The following TTI1 variants were observed in gnomAD, a reference collection of about 807,000 sequenced individuals.
TTI1 encodes TELO2-interacting protein 1 homolog.
TTI1 carries 52 observed loss-of-function variants against 85.4 expected under a neutral mutation model. The observed-to-expected ratio is 0.61, with a 90% CI of 0.49 to 0.77. The LOEUF (loss-of-function observed/expected upper bound fraction) is 0.77, where lower values mean the gene tolerates loss of function less well. Among genes scored for constraint, TTI1 ranks in the 30% least tolerant of loss-of-function variants. TTI1 has a pLI of 0.00. For synonymous variants in TTI1, 512 were observed against 503.9 expected (o/e 1.02, Z -0.22); for missense variants, 1,173 against 1,296.0 (o/e 0.91, Z 1.46).
At chr20:38,015,611 G>A (rs2073671399) in intron 1 of TTI1, among the ~76,000 whole-genome samples, 1 of 152,002 alleles carries the variant, frequency 6.6e-6, no homozygotes. Flanking sequence ...TAGATTAACA[G>A]AACCAGAAAA....
intron 2 of TTI1, among the ~76,000 whole-genome samples, chr20:38,007,584 A>G (rs2073519808): frequency 6.6e-6 from 1 of 152,238 alleles, no homozygotes; most frequent in Non-Finnish European, 1.5e-5. Flanking sequence ...CTTAATACTT[A>G]AAGAATAAAA....
intron 4 of TTI1, among the ~76,000 whole-genome samples, chr20:37,999,549 C>G (rs1040972360): frequency 6.6e-6 from 1 of 152,032 alleles, no homozygotes; most frequent in Non-Finnish European, 1.5e-5. Context: ...TGGGGAAAGA[C>G]CTTAATTAGA....
intron 7 of TTI1, among the ~76,000 whole-genome samples, chr20:37,985,550 C>A (rs2073179583): frequency 6.8e-6 from 1 of 148,118 alleles, no homozygotes; most frequent in Non-Finnish European, 1.5e-5. Context: ...TTTTTTGAGA[C>A]AGAGTCTCAC....
Position 37,983,487 on chromosome 20 carries a change from T to C in TTI1, c.3239A>G (p.Asn1080Ser). Reference sequence around the variant, plus strand: ...CAGCTCCTTGAGCAGCTGGAGCACGTTGGTCGTGTAGGGGTTCTGCTGCCC... The same window carrying C: ...CAGCTCCTTGAGCAGCTGGAGCACGCTGGTCGTGTAGGGGTTCTGCTGCCC... ...ASGQQNPYTTNVLQLLKELQ is the reference protein window; with the variant it reads ...ASGQQNPYTTSVLQLLKELQ Residue 1080 changes from asparagine to serine, a missense_variant, in exon 8 of 8, where the codon AAC (asparagine) becomes AGC (serine). Physicochemically the swap from Asn to Ser is conservative, Grantham distance 46 (BLOSUM62 1). Transcript: ENST00000373447. 2 of 1,611,282 alleles carry C rather than the reference T, an allele frequency of 1.2e-6. No homozygotes were observed. Among genetic ancestry groups the C allele is most frequent in the South Asian group, 1.1e-5 (1 of 91,026 alleles).
At chr20:38,030,843 CAGAT>C (rs1600663175) in intron 1 of TTI1, among the ~76,000 whole-genome samples, 1 of 152,332 alleles carries the variant, frequency 6.6e-6, no homozygotes, top group African/African-American at 2.4e-5. Flanking sequence ...CATCTATACT[CAGAT>C]AGGCATTTCC....
intron 7 of TTI1, among the ~76,000 whole-genome samples, chr20:37,985,996 T>C (rs1008430330): frequency 6.6e-6 from 1 of 152,216 alleles, no homozygotes; most frequent in Non-Finnish European, 1.5e-5. Flanking sequence ...AGACAATTTT[T>C]GTTTAAAAAT....
At chr20:38,006,048 T>C in intron 3 of TTI1, 149 bp downstream of exon 3, 2 of 906,046 alleles carry the variant, frequency 2.2e-6, no homozygotes. Context: ...TGGAAAAAGA[T>C]TACACAAAAC....
rs1441416462 is a variant in TTI1 at position 38,012,264 on chromosome 20, T to A, written c.1553A>T (p.Tyr518Phe). Residue 518 changes from tyrosine to phenylalanine, a missense_variant, in exon 2 of 8, where the codon TAC becomes TTC. Physicochemically the swap from Tyr to Phe is conservative, Grantham distance 22. Transcript: ENST00000373447. ...AAGGATCATGGCAGCTTGCTTCCGG[T>A]AAACCACAGATTGATGGTAAAGTTC... is the stretch of plus-strand genomic sequence containing the variant. ...FMELYHQSVV[Y>F]RKQAAMILNE... is the part of the protein sequence containing the mutation. The A allele has an allele frequency of 3.7e-6, 6 of 1,614,230 alleles. No individual in the cohort carries two copies. The South Asian group carries it at 6.6e-5, about 18-fold the overall frequency.
chr20:37,986,963 C>T (rs2073198232), intron 7 of TTI1: 1 of 339,884 alleles, frequency 2.9e-6, no homozygotes, highest in Non-Finnish European at 5.8e-6. Flanking sequence ...CAGGAAGAAA[C>T]AAATGCAATA....
chr20:38,012,063 A>AGCTC lies in TTI1; in HGVS notation c.1750_1753dup (p.Leu585ArgfsTer16). 1.9e-6 allele frequency: 3 copies of AGCTC among 1,614,196 alleles called. No individual in the cohort carries two copies. Among genetic ancestry groups the AGCTC allele is most frequent in the Non-Finnish European group, 2.5e-6 (3 of 1,180,038 alleles). On this transcript the variant is annotated frameshift_variant, in exon 2 of 8. Coordinates refer to ENST00000373447, the MANE Select transcript of TTI1 (RefSeq NM_001303457.2). LOFTEE classifies it high-confidence loss of function. The stretch of plus-strand genomic sequence containing the variant: ...TTGGAGGCCTGGGTGCTCCATCATC[A>AGCTC]GCTCCTCTCCCATTTCCTCAGTTTC...
In TTI1 at chr20:38,012,472, G is replaced by A. The variant is rs1396960498; in HGVS notation, c.1345C>T (p.Arg449Trp). ...DVADIKIVEERRWNSDDLNAS... is the reference protein window; with the variant it reads ...DVADIKIVEEWRWNSDDLNAS... ...TTCAGATCATCAGAGTTCCAACGCC[G>A]TTCCTCAACAATCTTGATGTCAGCC... The change falls in exon 2 of 8, where the codon CGG becomes TGG. Residue 449 changes from arginine (R) to tryptophan (W), a missense_variant. Coordinates refer to ENST00000373447, the MANE Select transcript of TTI1 (RefSeq NM_001303457.2). The A allele has an allele frequency of 1.2e-5, 19 of 1,614,084 alleles. No individual in the cohort carries two copies. Among genetic ancestry groups the A allele is most frequent in the Admixed American group, 1.7e-5 (1 of 60,010 alleles).
chr20:38,012,852 C>T lies in TTI1; in HGVS notation c.965G>A (p.Ser322Asn). The change falls in exon 2 of 8, where the codon AGT becomes AAT. Residue 322 changes from serine to asparagine, a missense_variant. Coordinates refer to ENST00000373447, the MANE Select transcript of TTI1 (RefSeq NM_001303457.2). ...ELVEDLLLKC[S>N]QSLVECAGPL... ...ACCAGCACATTCGACCAATGATTGACTGCACTTCAAAAGAAGGTCCTCCAC... is the reference window on the plus strand; with the variant it reads ...ACCAGCACATTCGACCAATGATTGATTGCACTTCAAAAGAAGGTCCTCCAC... The T allele has an allele frequency of 1.9e-6, 3 of 1,614,200 alleles. No homozygotes were observed. Among genetic ancestry groups the T allele is most frequent in the Non-Finnish European group, 2.5e-6 (3 of 1,180,040 alleles).
chr20:38,033,004 C>T (rs1348021901), intron 1 of TTI1, among the ~76,000 whole-genome samples: 4 of 152,178 alleles, frequency 2.6e-5, no homozygotes, highest in African/African-American at 9.7e-5. Flanking sequence ...TGAGTGAGAA[C>T]CCACTTAAGA....
In TTI1 at chr20:38,006,260, G is replaced by A. The variant is rs2073496801; in HGVS notation, c.2440C>T (p.Leu814=). 5.6e-6 allele frequency: 9 copies of A among 1,614,176 alleles called. 1 individual carries two copies. The South Asian group carries it at 9.9e-5, about 18-fold the overall frequency. ...ACATCCTTCTCTTTGAGGTAGTTCA[G>A]CAAAAACTGTTCGATGTCTTCAGCT... ...TTAEDIEQFL[L]NYLKEKDVAD... is the part of the protein sequence containing the mutation. Residue 814 remains leucine, a synonymous_variant, in exon 3 of 8, where the codon CTG becomes TTG. Transcript: ENST00000373447.
At chr20:38,007,546 C>A (rs2073519421) in intron 2 of TTI1, among the ~76,000 whole-genome samples, 1 of 152,148 alleles carries the variant, frequency 6.6e-6, no homozygotes. Flanking sequence ...TATCAGGGTT[C>A]CCCAAAGGCT....
At chr20:37,985,242 T>C (rs1378336752) in intron 7 of TTI1, among the ~76,000 whole-genome samples, 1 of 152,248 alleles carries the variant, frequency 6.6e-6, no homozygotes, top group Non-Finnish European at 1.5e-5. Flanking sequence ...TGATCCCTAT[T>C]TACCAATTAA....
chr20:37,999,128 G>A, intron 5 of TTI1, 60 bp downstream of exon 5: 2 of 1,317,614 alleles, frequency 1.5e-6, no homozygotes, highest in Non-Finnish European at 2.0e-6. Context: ...AGGCCCCGGT[G>A]AGCTCTGTGC....
At chr20:38,006,745 A>G (rs1282466192) in intron 2 of TTI1, among the ~76,000 whole-genome samples, 1 of 152,352 alleles carries the variant, frequency 6.6e-6, no homozygotes, top group East Asian at 1.9e-4. Flanking sequence ...GGTCACTTAC[A>G]TGATGTCTTA....
At chr20:37,986,027 G>T (rs2073185967) in intron 7 of TTI1, among the ~76,000 whole-genome samples, 1 of 152,204 alleles carries the variant, frequency 6.6e-6, no homozygotes, top group Non-Finnish European at 1.5e-5. Context: ...TTGATAATTA[G>T]AGTGGCAAGG....
Sources: allele counts gnomAD v4.1 joint callset (sites outside exome capture counted in the v4.1 genomes callset), GRCh38; gene constraint gnomAD v4.1.1; transcripts MANE v1.5; gene names NCBI Gene and HGNC (gene_info 2026-07-23, HGNC 2026-07-21).